Variants in SLC8A1 observed in about 807,000 individuals in gnomAD.
SLC8A1 encodes sodium/calcium exchanger 1.
In SLC8A1, 18 loss-of-function variants were observed where a neutral mutation model predicts 68.3. The observed-to-expected ratio is 0.26, with a 90% confidence interval of 0.18 to 0.39. SLC8A1 has a LOEUF of 0.39. SLC8A1 is among the 10% of genes least tolerant of loss of function. The pLI is 1.00. For synonymous variants in SLC8A1, 475 were observed against 415.5 expected (o/e 1.14, Z -1.74); for missense variants, 985 against 1,156.7 (o/e 0.85, Z 2.15).
At chr2:40,438,013 TGGAC>T (rs1489014253) in intron 1 of SLC8A1, among the ~76,000 whole-genome samples, 1 of 152,120 alleles carries the variant, frequency 6.6e-6, no homozygotes, top group African/African-American at 2.4e-5. Flanking sequence ...AGCACTGAAG[TGGAC>T]TACCTAGTCC....
intron 2 of SLC8A1, among the ~76,000 whole-genome samples, chr2:40,290,826 T>G (rs1369086054): frequency 1.3e-5 from 2 of 152,302 alleles, no homozygotes; most frequent in East Asian, 3.9e-4. Flanking sequence ...TATTTCAGTC[T>G]ATATAGGTAT....
At chr2:40,406,355 T>C (rs1690319265) in intron 2 of SLC8A1, among the ~76,000 whole-genome samples, 1 of 152,176 alleles carries the variant, frequency 6.6e-6, no homozygotes, top group African/African-American at 2.4e-5. Context: ...TCCAAGATGC[T>C]AGAAGATTCC....
chr2:40,158,378 T>C (rs2045000464), intron 6 of SLC8A1, among the ~76,000 whole-genome samples: 1 of 152,200 alleles, frequency 6.6e-6, no homozygotes, highest in Non-Finnish European at 1.5e-5. Flanking sequence ...TTTTAAAACA[T>C]GGGTTTGACT....
At chr2:40,397,794 C>G (rs1687457198) in intron 2 of SLC8A1, among the ~76,000 whole-genome samples, 1 of 152,162 alleles carries the variant, frequency 6.6e-6, no homozygotes, top group Non-Finnish European at 1.5e-5. Context: ...TCTTTCTTCC[C>G]TGGGAATCAC....
intron 2 of SLC8A1, among the ~76,000 whole-genome samples, chr2:40,380,164 G>A (rs980970696): frequency 2.6e-5 from 4 of 152,068 alleles, no homozygotes; most frequent in South Asian, 2.1e-4. Context: ...GAGGTAAACC[G>A]AACAAGTATC....
At chr2:40,430,510 C>G (rs1698037655) in intron 1 of SLC8A1, among the ~76,000 whole-genome samples, 2 of 152,118 alleles carry the variant, frequency 1.3e-5, no homozygotes, top group African/African-American at 2.4e-5. Flanking sequence ...ACTAAGCAAT[C>G]CTTTGTAAAG....
At chr2:40,123,398 C>T (rs971607500) in intron 7 of SLC8A1, 10 of 152,170 alleles carry the variant, frequency 6.6e-5, no homozygotes, top group African/African-American at 2.2e-4. Flanking sequence ...ATGAAAGACT[C>T]CTTATTCTTT....
chr2:40,319,985 A>T (rs1458164117), intron 2 of SLC8A1, among the ~76,000 whole-genome samples: 1 of 152,032 alleles, frequency 6.6e-6, no homozygotes, highest in African/African-American at 2.4e-5. Flanking sequence ...GGATTATGGC[A>T]CCTCCCTTTT....
intron 6 of SLC8A1, among the ~76,000 whole-genome samples, chr2:40,140,412 C>A (rs2041327329): frequency 2.6e-5 from 4 of 152,200 alleles, no homozygotes; most frequent in Non-Finnish European, 5.9e-5. Flanking sequence ...TCTCTGACCT[C>A]CCCCCAAACC....
At chr2:40,317,309 T>C (rs2074593550) in intron 2 of SLC8A1, among the ~76,000 whole-genome samples, 1 of 152,102 alleles carries the variant, frequency 6.6e-6, no homozygotes, top group Non-Finnish European at 1.5e-5. Flanking sequence ...TAAAATAAGC[T>C]ACATACATCA....
At chr2:40,170,252 G>C in intron 4 of SLC8A1, 29 bp downstream of exon 7, 1 of 1,601,260 alleles carries the variant, frequency 6.2e-7, no homozygotes, top group Non-Finnish European at 8.6e-7. Flanking sequence ...GGAGGCTGTG[G>C]TTTTCAAGGA....
chr2:40,368,929 C>T (rs1677112675), intron 2 of SLC8A1, among the ~76,000 whole-genome samples: 2 of 111,256 alleles, frequency 1.8e-5, no homozygotes, highest in South Asian at 5.4e-4. Context: ...ACAAAAACAG[C>T]AGTGAGAAAA....
intron 2 of SLC8A1, among the ~76,000 whole-genome samples, chr2:40,304,036 C>T (rs1037031904): frequency 6.6e-6 from 1 of 152,174 alleles, no homozygotes; most frequent in Non-Finnish European, 1.5e-5. Context: ...TCAACATCTC[C>T]TTATGAAAGG....
intron 2 of SLC8A1, among the ~76,000 whole-genome samples, chr2:40,281,659 A>T (rs955306269): frequency 3.3e-5 from 5 of 152,228 alleles, no homozygotes; most frequent in African/African-American, 1.2e-4. Flanking sequence ...GCAACTTACA[A>T]AGAAAAGCTG....
intron 1 of SLC8A1, among the ~76,000 whole-genome samples, chr2:40,459,694 T>G (rs1703230881): frequency 6.6e-6 from 1 of 152,222 alleles, no homozygotes; most frequent in South Asian, 2.1e-4. Context: ...TAAGCTCTGG[T>G]GGGTGAACCT....
exon 8 of SLC8A1, chr2:40,108,921 A>C (rs1266520255): frequency 6.6e-6 from 1 of 151,270 alleles, no homozygotes; most frequent in African/African-American, 2.4e-5. Context: ...GTGTAAATTA[A>C]AAGAAGGTTG....
intron 2 of SLC8A1, among the ~76,000 whole-genome samples, chr2:40,369,892 A>AC (rs397714436): frequency 6.6e-6 from 1 of 151,690 alleles, no homozygotes; most frequent in African/African-American, 2.4e-5. Flanking sequence ...AAATAAAAAA[A>AC]CTGCTTAAAT....
intron 2 of SLC8A1, among the ~76,000 whole-genome samples, chr2:40,328,102 GA>G (rs1215052014): frequency 6.6e-6 from 1 of 152,170 alleles, no homozygotes; most frequent in East Asian, 1.9e-4. Flanking sequence ...AGAGGGTAAA[GA>G]GTTAGACTTT....
intron 2 of SLC8A1, among the ~76,000 whole-genome samples, chr2:40,252,407 A>G (rs2062903447): frequency 6.6e-6 from 1 of 152,058 alleles, no homozygotes; most frequent in Non-Finnish European, 1.5e-5. Context: ...ATCTCGGCTC[A>G]CTGCAACCTC....
Sources: gnomAD v4.1 joint callset for allele counts (sites outside exome capture counted in the v4.1 genomes callset) on GRCh38, gnomAD v4.1.1 for gene constraint, MANE v1.5 for transcripts, NCBI Gene and HGNC (gene_info 2026-07-23, HGNC 2026-07-21) for gene names.